The following SFMBT2 variants were observed in gnomAD, a reference collection of about 807,000 sequenced individuals.
The protein encoded by SFMBT2 is Scm like with four mbt domains 2.
In SFMBT2, 38 loss-of-function variants were observed where a neutral mutation model predicts 110.1. The observed-to-expected ratio is 0.35, with a 90% CI of 0.27 to 0.45. The LOEUF (loss-of-function observed/expected upper bound fraction) is 0.45, where lower values mean the gene tolerates loss of function less well. Among genes scored for constraint, SFMBT2 ranks in the 20% least tolerant of loss-of-function variants. The pLI, the probability that SFMBT2 is intolerant of heterozygous loss-of-function variation, is 1.00. For synonymous variants in SFMBT2, 425 were observed against 425.4 expected (o/e 1.00, Z 0.01); for missense variants, 1,011 against 1,094.9 (o/e 0.92, Z 1.08).
At chr10:7,374,365 C>T (rs145852808) in intron 2 of SFMBT2, among the ~76,000 whole-genome samples, 4 of 152,298 alleles carry the variant, frequency 2.6e-5, no homozygotes, top group Admixed American at 2.6e-4. Context: ...TGACCCATCC[C>T]ATTACCCACA....
intron 9 of SFMBT2, among the ~76,000 whole-genome samples, chr10:7,236,697 T>C (rs199982922): frequency 8.4e-6 from 1 of 119,712 alleles, no homozygotes; most frequent in Non-Finnish European, 1.8e-5. Flanking sequence ...AAACTGCAAG[T>C]TTTAAAGAAA....
At chr10:7,382,376 C>T (rs145993988) in intron 1 of SFMBT2, among the ~76,000 whole-genome samples, 1 of 152,040 alleles carries the variant, frequency 6.6e-6, no homozygotes. Context: ...CACCACTGCA[C>T]TCCAGCCTGT....
intron 4 of SFMBT2, among the ~76,000 whole-genome samples, chr10:7,350,680 T>A (rs1844284210): frequency 6.6e-6 from 1 of 152,226 alleles, no homozygotes; most frequent in African/African-American, 2.4e-5. Flanking sequence ...TAAGTCTGCA[T>A]GACAAAGAAG....
At chr10:7,269,723 T>C (rs1181734832) in intron 7 of SFMBT2, among the ~76,000 whole-genome samples, 2 of 13,510 alleles carry the variant, frequency 1.5e-4, no homozygotes, top group Middle Eastern at 0.05. Flanking sequence ...TGCGTGTGTG[T>C]GTGTGTGTGT....
At chr10:7,197,833 T>A in intron 14 of SFMBT2, 146 bp from the exon 15 acceptor site, 1 of 1,269,056 alleles carries the variant, frequency 7.9e-7, no homozygotes, top group Non-Finnish European at 1.0e-6. Flanking sequence ...TCAGGCGTAA[T>A]AAAAGCAATG....
intron 4 of SFMBT2, among the ~76,000 whole-genome samples, chr10:7,299,581 C>T (rs948594391): frequency 6.6e-6 from 1 of 152,074 alleles, no homozygotes; most frequent in Non-Finnish European, 1.5e-5. Flanking sequence ...AGTCAGGAAA[C>T]AATAGATGCT....
chr10:7,368,010 G>A (rs1238048212), intron 3 of SFMBT2, 121 bp from the exon 4 acceptor site: 3 of 1,386,402 alleles, frequency 2.2e-6, no homozygotes, highest in Non-Finnish European at 2.9e-6. Flanking sequence ...TCTAAAACAG[G>A]CATGTATTTA....
intron 9 of SFMBT2, chr10:7,241,330 G>T: frequency 1.0e-6 from 1 of 982,816 alleles, no homozygotes; most frequent in Non-Finnish European, 1.2e-6. Flanking sequence ...CTTCTTGAAT[G>T]CTTTAATGGT....
chr10:7,205,242 A>C, intron 12 of SFMBT2: 1 of 241,332 alleles, frequency 4.1e-6, no homozygotes, highest in Non-Finnish European at 6.7e-6. Context: ...CTGCTTGACT[A>C]ATTTACTTAT....
At chr10:7,245,508 A>G (rs570152262) in intron 8 of SFMBT2, among the ~76,000 whole-genome samples, 2 of 152,260 alleles carry the variant, frequency 1.3e-5, no homozygotes, top group Admixed American at 1.3e-4. Flanking sequence ...ATCAGGGCTC[A>G]TGTTCCTAAA....
rs1846292442 is a variant in SFMBT2, at chr10:7,408,792, C to G, written c.-52+2069G>C. On this transcript the variant is annotated intron_variant, in intron 1 of 20. Coordinates refer to ENST00000397167, the MANE Select transcript of SFMBT2 (RefSeq NM_001387889.1). The surrounding 1 kb of genome is among the most constrained non-coding windows in gnomAD (Gnocchi z 5.7). ...CTCTGCCTGACCCCGATTTTGTCTC[C>G]GAACTCCACTCCCAGATCCTCCCCG... is the stretch of plus-strand genomic sequence containing the variant. 6.6e-6 allele frequency: 1 copy of G among 152,428 alleles called. No homozygotes were observed. The highest frequency in any genetic ancestry group is 1.9e-4 in the East Asian group (1 of 5,184). 9.4% of individuals were successfully genotyped at this position (152,428 alleles called of 1,614,324 possible).
rs192406992 is a variant in SFMBT2 at position 7,194,215 on chromosome 10, C to T, written c.1698+3333G>A. Among the ~76,000 whole-genome samples, 3 of 152,280 alleles carry T rather than the reference C, an allele frequency of 2.0e-5. No homozygotes were observed. The East Asian group carries it at 5.8e-4, about 29-fold the overall frequency. On this transcript the variant is annotated intron_variant, in intron 15 of 20. Coordinates refer to ENST00000397167, the MANE Select transcript of SFMBT2 (RefSeq NM_001387889.1). ...TGAGTGACTCTGGTTCCAGCTTCTC[C>T]CAGGTCCCCTACCTCCCCTCGCTGC... is the stretch of plus-strand genomic sequence containing the variant.
chr10:7,285,266 A>G (rs1468991144), intron 5 of SFMBT2: 2 of 152,268 alleles, frequency 1.3e-5, no homozygotes, highest in African/African-American at 4.8e-5. Flanking sequence ...TCAACATAAA[A>G]TTATTTTCAA....
intron 20 of SFMBT2, among the ~76,000 whole-genome samples, chr10:7,166,113 T>C (rs12354850): frequency 0.088 from 13,467 of 152,300 alleles, 808 homozygotes; most frequent in South Asian, 0.16. Flanking sequence ...CATTAAACCA[T>C]GGACAGTTGG....
chr10:7,352,870 G>A (rs1844369619), intron 4 of SFMBT2, among the ~76,000 whole-genome samples: 1 of 152,128 alleles, frequency 6.6e-6, no homozygotes, highest in Admixed American at 6.5e-5. Context: ...AATTAGCCAG[G>A]CGTGATGGTG....
chr10:7,404,987 T>C (rs1331264647), intron 1 of SFMBT2, among the ~76,000 whole-genome samples: 1 of 152,230 alleles, frequency 6.6e-6, no homozygotes. Flanking sequence ...TACAGTCTTG[T>C]AAACATCTTA....
intron 7 of SFMBT2, among the ~76,000 whole-genome samples, chr10:7,258,956 C>A (rs973685676): frequency 1.3e-5 from 2 of 152,156 alleles, no homozygotes; most frequent in Admixed American, 1.3e-4. Context: ...AGGTAAAGAG[C>A]GATTTTGTCT....
intron 10 of SFMBT2, among the ~76,000 whole-genome samples, chr10:7,221,074 C>T (rs1438516404): frequency 6.6e-6 from 1 of 151,596 alleles, no homozygotes; most frequent in Admixed American, 6.6e-5. Context: ...GATCCACCTG[C>T]CTCAGCCTCC....
intron 15 of SFMBT2, among the ~76,000 whole-genome samples, chr10:7,190,179 G>T (rs536691826): frequency 6.6e-6 from 1 of 152,224 alleles, no homozygotes; most frequent in South Asian, 2.1e-4. Context: ...TGACAAGGCG[G>T]TACCGGCAGT....
Sources: gnomAD v4.1 joint callset for allele counts (sites outside exome capture counted in the v4.1 genomes callset) on GRCh38, gnomAD v4.1.1 for gene constraint, Gnocchi (gnomAD v3.1) non-coding constraint, MANE v1.5 for transcripts, NCBI Gene and HGNC (gene_info 2026-07-23, HGNC 2026-07-21) for gene names.